AMBRA1: variants seen among roughly 807,000 people sequenced by gnomAD.
AMBRA1 encodes activating molecule in BECN1-regulated autophagy protein 1.
In AMBRA1, 47 loss-of-function variants were observed where a neutral mutation model predicts 125.4. The ratio of observed to expected loss-of-function variants is 0.37; its 90% CI spans 0.30 to 0.48. AMBRA1 has a LOEUF of 0.48. AMBRA1 is among the 20% of genes least tolerant of loss of function. The pLI is 0.99. For synonymous variants in AMBRA1, 626 were observed against 655.5 expected, an observed-to-expected ratio of 0.95 and a Z score of 0.69; for missense variants, 1,331 against 1,693.4, an observed-to-expected ratio of 0.79 and a Z score of 3.76.
chr11:46,548,201 C>T (rs1323524232), intron 2 of AMBRA1, 45 bp downstream of exon 2: 1 of 1,612,368 alleles, frequency 6.2e-7, no homozygotes. Context: ...CTCATTCTAC[C>T]ATCACCAGCA....
intron 7 of AMBRA1, among the ~76,000 whole-genome samples, chr11:46,540,518 A>T (rs1459834627): frequency 6.6e-6 from 1 of 151,924 alleles, no homozygotes; most frequent in African/African-American, 2.4e-5. Context: ...AGAGTTAGCA[A>T]CCTCTCTATT....
At chr11:46,561,107 G>A (rs942605783) in intron 1 of AMBRA1, among the ~76,000 whole-genome samples, 9 of 152,122 alleles carry the variant, frequency 5.9e-5, no homozygotes, top group Non-Finnish European at 1.3e-4. Context: ...TGGGCCAGGC[G>A]CAGTAGCTCA....
intron 12 of AMBRA1, among the ~76,000 whole-genome samples, chr11:46,436,804 A>G (rs568369555): frequency 6.6e-6 from 1 of 152,314 alleles, no homozygotes; most frequent in Admixed American, 6.5e-5. Flanking sequence ...ATGCTCAGAA[A>G]AATAAACAGA....
intron 1 of AMBRA1, among the ~76,000 whole-genome samples, chr11:46,571,838 C>T (rs2043771121): frequency 6.6e-6 from 1 of 151,632 alleles, no homozygotes; most frequent in Non-Finnish European, 1.5e-5. Context: ...TACAGGAGCG[C>T]ACCACCACGC....
At chr11:46,549,868 G>C (rs1479571756) in intron 1 of AMBRA1, among the ~76,000 whole-genome samples, 2 of 152,128 alleles carry the variant, frequency 1.3e-5, no homozygotes, top group African/African-American at 4.8e-5. Context: ...GCCCCAGTTG[G>C]AGTGCAACAG....
intron 11 of AMBRA1, among the ~76,000 whole-genome samples, chr11:46,471,759 C>G (rs1949602080): frequency 6.6e-6 from 1 of 151,754 alleles, no homozygotes; most frequent in Non-Finnish European, 1.5e-5. Context: ...TCCTGAGTAA[C>G]TGGGACTACA....
chr11:46,440,545 CAATT>C (rs370223309), intron 12 of AMBRA1, among the ~76,000 whole-genome samples: 134 of 151,714 alleles, frequency 8.8e-4, no homozygotes, highest in East Asian at 4.6e-3. Flanking sequence ...TTTCAGATGA[CAATT>C]AAAGAAAGAA....
intron 1 of AMBRA1, among the ~76,000 whole-genome samples, chr11:46,569,989 C>T (rs1348642975): frequency 2.0e-5 from 3 of 150,808 alleles, no homozygotes; most frequent in South Asian, 4.2e-4. Context: ...AGGCCAGGCA[C>T]GGTGGCTCAC....
chr11:46,585,384 A>C (rs1167089732), intron 1 of AMBRA1, among the ~76,000 whole-genome samples: 2 of 150,650 alleles, frequency 1.3e-5, no homozygotes, highest in African/African-American at 2.4e-5. Flanking sequence ...CCAAAAAAAA[A>C]ACGCTGGGCA....
intron 1 of AMBRA1, among the ~76,000 whole-genome samples, chr11:46,561,937 A>G (rs1333292060): frequency 1.3e-5 from 2 of 152,218 alleles, no homozygotes; most frequent in Non-Finnish European, 2.9e-5. Context: ...CTGATAAATA[A>G]CCAACAAGCA....
intron 1 of AMBRA1, among the ~76,000 whole-genome samples, chr11:46,561,690 T>C (rs185809689): frequency 1.3e-5 from 2 of 152,142 alleles, no homozygotes; most frequent in Admixed American, 6.5e-5. Flanking sequence ...CTGACTAAAA[T>C]AGGGAAAGAA....
At chr11:46,527,717 T>C (rs1349349135) in intron 7 of AMBRA1, among the ~76,000 whole-genome samples, 2 of 151,922 alleles carry the variant, frequency 1.3e-5, no homozygotes, top group African/African-American at 4.8e-5. Context: ...ACATGACTAA[T>C]CATTAGGGAA....
At chr11:46,444,812 AC>A (rs1232574666) in intron 11 of AMBRA1, among the ~76,000 whole-genome samples, 1 of 152,070 alleles carries the variant, frequency 6.6e-6, no homozygotes, top group East Asian at 1.9e-4. Flanking sequence ...CAAAGAGAAA[AC>A]CTTCATAGAA....
intron 1 of AMBRA1, among the ~76,000 whole-genome samples, chr11:46,556,797 T>C (rs1169828975): frequency 6.6e-6 from 1 of 152,162 alleles, no homozygotes; most frequent in Admixed American, 6.5e-5. Context: ...GAAAAATGCT[T>C]ATAGTAGAAT....
intron 11 of AMBRA1, among the ~76,000 whole-genome samples, chr11:46,487,635 G>A (rs1950311736): frequency 6.6e-6 from 1 of 151,980 alleles, no homozygotes; most frequent in South Asian, 2.1e-4. Context: ...CCAGAATTAA[G>A]TCTGAATAAA....
chr11:46,548,320 G>C lies in AMBRA1; in HGVS notation c.61C>G (p.Arg21Gly), dbSNP rs371081938. Residue 21 changes from arginine (R) to glycine (G), a missense_variant, in exon 2 of 18, where the codon CGG becomes GGG. Coordinates refer to ENST00000683756, the MANE Select transcript of AMBRA1 (RefSeq NM_001387011.1). ...RILWGRERGA[R>G]AMGAQRLLQE... ...AGAAGCCGCTGAGCTCCCATGGCCCGAGCACCCCGTTCTCGCCCCCAGAGT... is the reference window on the plus strand; with the variant it reads ...AGAAGCCGCTGAGCTCCCATGGCCCCAGCACCCCGTTCTCGCCCCCAGAGT... The C allele has an allele frequency of 6.2e-7, 1 of 1,613,998 alleles. No individual in the cohort carries two copies.
At chr11:46,439,622 A>C (rs906829693) in intron 12 of AMBRA1, among the ~76,000 whole-genome samples, 16 of 152,238 alleles carry the variant, frequency 1.1e-4, no homozygotes, top group African/African-American at 3.9e-4. Flanking sequence ...CCAAGGAACC[A>C]TAAAAGGAAA....
At chr11:46,546,423 A>G (rs1176919357) in intron 4 of AMBRA1, among the ~76,000 whole-genome samples, 2 of 152,120 alleles carry the variant, frequency 1.3e-5, no homozygotes, top group Non-Finnish European at 2.9e-5. Context: ...TTACTAGGAC[A>G]AAGAGGATCT....
chr11:46,586,540 T>C (rs1692986572), intron 1 of AMBRA1, among the ~76,000 whole-genome samples: 1 of 152,224 alleles, frequency 6.6e-6, no homozygotes, highest in African/African-American at 2.4e-5. Flanking sequence ...CTGTTTTAAC[T>C]TCCTATTCCC....
Sources: gnomAD v4.1 joint callset for allele counts (sites outside exome capture counted in the v4.1 genomes callset) on GRCh38, gnomAD v4.1.1 for gene constraint, MANE v1.5 for transcripts, NCBI Gene and HGNC (gene_info 2026-07-23, HGNC 2026-07-21) for gene names.